LINGO2: variants seen among roughly 807,000 people sequenced by gnomAD.
LINGO2 encodes leucine-rich repeat and immunoglobulin-like domain-containing nogo receptor-interacting protein 2.
LINGO2 carries 14 observed loss-of-function variants against 30.6 expected under a neutral mutation model. The observed-to-expected ratio is 0.46, with a 90% CI of 0.30 to 0.72. The LOEUF is 0.72. LINGO2 is among the 30% of genes least tolerant of loss of function. The pLI is 0.07. For synonymous variants in LINGO2, 317 were observed against 288.5 expected, an observed-to-expected ratio of 1.10 and a Z score of -1.00; for missense variants, 729 against 751.7, an observed-to-expected ratio of 0.97 and a Z score of 0.35.
the LINGO2 span, among the ~76,000 whole-genome samples, chr9:28,750,932 A>G: frequency 2.0e-5 from 3 of 152,042 alleles, no homozygotes; most frequent in South Asian, 6.2e-4. Context: ...GTGATAATGT[A>G]TCATGTAGTC....
intron 3 of LINGO2, among the ~76,000 whole-genome samples, chr9:28,337,412 G>A (rs1424860414): frequency 6.6e-6 from 1 of 152,156 alleles, no homozygotes; most frequent in Non-Finnish European, 1.5e-5. Flanking sequence ...GCCCGAAGAT[G>A]TGATAGAAAA....
At chr9:28,808,594 G>T in the LINGO2 span, among the ~76,000 whole-genome samples, 1 of 152,126 alleles carries the variant, frequency 6.6e-6, no homozygotes, top group Non-Finnish European at 1.5e-5. Flanking sequence ...TGTAAGTGTG[G>T]AGTTTGGACT....
At chr9:28,370,837 G>A (rs537387950) in intron 3 of LINGO2, among the ~76,000 whole-genome samples, 8 of 152,234 alleles carry the variant, frequency 5.3e-5, no homozygotes, top group African/African-American at 1.4e-4. Context: ...AACAGTTTAC[G>A]TATTTAACCT....
intron 1 of LINGO2, among the ~76,000 whole-genome samples, chr9:28,634,536 A>G (rs1336806829): frequency 3.8e-5 from 5 of 132,720 alleles, no homozygotes; most frequent in African/African-American, 1.5e-4. Flanking sequence ...CCCAGGCTGG[A>G]GTGCAGTGGC....
intron 4 of LINGO2, among the ~76,000 whole-genome samples, chr9:28,107,838 T>C (rs1356452526): frequency 1.3e-5 from 2 of 152,092 alleles, no homozygotes; most frequent in East Asian, 3.9e-4. Context: ...TGGCTACTTT[T>C]GAAAATAGGT....
At chr9:28,769,322 A>G in the LINGO2 span, among the ~76,000 whole-genome samples, 1 of 150,450 alleles carries the variant, frequency 6.6e-6, no homozygotes, top group Non-Finnish European at 1.5e-5. Context: ...TAATAGGAAA[A>G]TATCCCCTTA....
the LINGO2 span, among the ~76,000 whole-genome samples, chr9:28,910,488 G>A: frequency 6.6e-6 from 1 of 152,012 alleles, no homozygotes; most frequent in Non-Finnish European, 1.5e-5. Context: ...CAAATCTCAT[G>A]TCAAATTGTA....
At chr9:28,654,508 T>C (rs1202127384) in intron 1 of LINGO2, among the ~76,000 whole-genome samples, 1 of 152,082 alleles carries the variant, frequency 6.6e-6, no homozygotes, top group African/African-American at 2.4e-5. Flanking sequence ...GACCTCAATT[T>C]TACCTCAACT....
chr9:28,006,978 C>G (rs1822298488), intron 5 of LINGO2, among the ~76,000 whole-genome samples: 1 of 152,102 alleles, frequency 6.6e-6, no homozygotes, highest in Non-Finnish European at 1.5e-5. Context: ...GTGTTAGGCA[C>G]CAGACTAAGT....
At chr9:29,082,735 GA>G in the LINGO2 span, among the ~76,000 whole-genome samples, 8 of 151,436 alleles carry the variant, frequency 5.3e-5, no homozygotes, top group Non-Finnish European at 1.0e-4. Context: ...AAATTTACAA[GA>G]AAAAAAACAA....
the LINGO2 span, among the ~76,000 whole-genome samples, chr9:28,932,754 T>G: frequency 2.2e-4 from 34 of 152,246 alleles, no homozygotes; most frequent in South Asian, 5.8e-3. Context: ...ATTGCAAAGT[T>G]GTATCAATTT....
intron 2 of LINGO2, among the ~76,000 whole-genome samples, chr9:28,410,890 T>G (rs959490388): frequency 2.5e-4 from 38 of 152,082 alleles, no homozygotes; most frequent in African/African-American, 8.0e-4. Context: ...GAGGTAAAAG[T>G]GCACACCTTC....
chr9:28,273,043 T>C (rs1822996413), intron 4 of LINGO2, among the ~76,000 whole-genome samples: 1 of 152,162 alleles, frequency 6.6e-6, no homozygotes, highest in African/African-American at 2.4e-5. Context: ...GTTCCCTCTA[T>C]TAGAATGTAA....
At chr9:28,296,319 AT>A (rs1173745446) in intron 3 of LINGO2, among the ~76,000 whole-genome samples, 1 of 152,112 alleles carries the variant, frequency 6.6e-6, no homozygotes, top group East Asian at 1.9e-4. Context: ...AAACTATTAG[AT>A]TTTTTATAAC....
intron 4 of LINGO2, among the ~76,000 whole-genome samples, chr9:28,280,071 C>CT (rs1282538784): frequency 1.3e-5 from 2 of 152,062 alleles, no homozygotes; most frequent in Non-Finnish European, 2.9e-5. Context: ...TATCTTCTGA[C>CT]TGATTTTTTG....
chr9:28,794,170 G>A, the LINGO2 span, among the ~76,000 whole-genome samples: 5 of 152,164 alleles, frequency 3.3e-5, no homozygotes, highest in Admixed American at 3.3e-4. Context: ...CGGGCGTGGC[G>A]GCGGGCGCCT....
intron 5 of LINGO2, among the ~76,000 whole-genome samples, chr9:27,981,551 G>GAAAAAAAAAAAAAAAAAAAAAAA (rs1279785343): frequency 6.9e-5 from 6 of 87,148 alleles, no homozygotes; most frequent in African/African-American, 2.1e-4. Flanking sequence ...AAAAAAAAAA[G>GAAAAAAAAAAAAAAAAAAAAAAA]AAAAAAAAGA....
At chr9:28,724,343 A>G in the LINGO2 span, among the ~76,000 whole-genome samples, 3 of 152,144 alleles carry the variant, frequency 2.0e-5, no homozygotes, top group Non-Finnish European at 4.4e-5. Context: ...AATTACTTTT[A>G]TTGCCCAAGG....
the LINGO2 span, among the ~76,000 whole-genome samples, chr9:28,699,327 C>T: frequency 0.022 from 3,275 of 152,010 alleles, 86 homozygotes; most frequent in African/African-American, 0.053. Flanking sequence ...GCTGGAGCTG[C>T]GGCAGAGGAA....
Sources: allele counts gnomAD v4.1 joint callset (sites outside exome capture counted in the v4.1 genomes callset), GRCh38; gene constraint gnomAD v4.1.1; transcripts MANE v1.5; gene names NCBI Gene and HGNC (gene_info 2026-07-23, HGNC 2026-07-21).